The following MAP3K13 variants were observed in gnomAD, a reference collection of about 807,000 sequenced individuals.
MAP3K13 encodes the protein leucine zipper-bearing kinase.
MAP3K13 carries 52 observed loss-of-function variants against 104.0 expected under a neutral mutation model. The observed-to-expected ratio is 0.50, with a 90% CI of 0.40 to 0.63. MAP3K13 has a LOEUF of 0.63. MAP3K13 is among the 20% of genes least tolerant of loss of function. MAP3K13 has a pLI of 0.00. For synonymous variants in MAP3K13, 394 were observed against 442.2 expected, an observed-to-expected ratio of 0.89 and a Z score of 1.37; for missense variants, 914 against 1,218.5, an observed-to-expected ratio of 0.75 and a Z score of 3.72.
intron 2 of MAP3K13, among the ~76,000 whole-genome samples, chr3:185,311,536 T>A (rs564569270): frequency 5.3e-5 from 8 of 152,286 alleles, no homozygotes; most frequent in Admixed American, 1.3e-4. Flanking sequence ...TGTAATCTCA[T>A]GTGTCTACCA....
chr3:185,302,086 C>T (rs1239479463), intron 2 of MAP3K13, among the ~76,000 whole-genome samples: 1 of 151,718 alleles, frequency 6.6e-6, no homozygotes, highest in Non-Finnish European at 1.5e-5. Flanking sequence ...TCTGTAGGTC[C>T]CTCTAGGTAG....
intron 1 of MAP3K13, among the ~76,000 whole-genome samples, chr3:185,390,869 C>A (rs962160787): frequency 6.6e-6 from 1 of 152,050 alleles, no homozygotes; most frequent in African/African-American, 2.4e-5. Context: ...GATCGGCCTG[C>A]CTCGGCCTCA....
intron 12 of MAP3K13, 127 bp downstream of exon 12, chr3:185,477,523 C>G: frequency 1.5e-6 from 1 of 688,544 alleles, no homozygotes; most frequent in Non-Finnish European, 2.6e-6. Flanking sequence ...TTTGAACTCA[C>G]TGTGTTCATG....
rs757522990 is a variant in MAP3K13 at position 185,482,363 on chromosome 3, G to A, written c.2808G>A (p.Met936Ile). Residue 936 changes from methionine to isoleucine, a missense_variant, in exon 14 of 14, where the codon ATG becomes ATA. This residue lies in a region of MAP3K13 where 583 missense variants were observed against 737.4 expected (regional missense o/e 0.79). Coordinates refer to ENST00000265026, the MANE Select transcript of MAP3K13 (RefSeq NM_004721.5). The surrounding 1 kb of genome is among the most constrained non-coding windows in gnomAD (Gnocchi z 4.5). The part of the protein sequence containing the change: ...CVEERGYENP[M>I]QFEESDCDSS... ...TTGTCTTGCCTTTGCAGAACCCCAT[G>A]CAGTTTGAAGAATCGGACTGTGACT... 4 of 1,613,244 alleles carry A rather than the reference G, an allele frequency of 2.5e-6. No individual in the cohort carries two copies. In the East Asian group the frequency reaches 8.9e-5, roughly 36 times the overall value.
At chr3:185,291,643 C>G (rs2108673204) in intron 2 of MAP3K13, 2 of 1,531,786 alleles carry the variant, frequency 1.3e-6, no homozygotes, top group Non-Finnish European at 1.7e-6. Flanking sequence ...AAGACCATGG[C>G]CTATCATCAT....
chr3:185,421,469 A>T (rs1339643950), intron 1 of MAP3K13, among the ~76,000 whole-genome samples: 1 of 152,130 alleles, frequency 6.6e-6, no homozygotes, highest in East Asian at 1.9e-4. Flanking sequence ...AAGTGCTGGG[A>T]TTACAGGCAT....
intron 1 of MAP3K13, among the ~76,000 whole-genome samples, chr3:185,406,487 C>T (rs1300895928): frequency 6.6e-6 from 1 of 152,182 alleles, no homozygotes; most frequent in African/African-American, 2.4e-5. Context: ...GAATCTGAAT[C>T]TACTGGGATT....
At chr3:185,396,416 C>A (rs982342174) in intron 1 of MAP3K13, among the ~76,000 whole-genome samples, 1 of 151,888 alleles carries the variant, frequency 6.6e-6, no homozygotes, top group African/African-American at 2.4e-5. Flanking sequence ...CCTTCCAGAC[C>A]TCTTGGTGAT....
intron 2 of MAP3K13, among the ~76,000 whole-genome samples, chr3:185,329,787 G>T (rs1156645492): frequency 6.6e-6 from 1 of 152,030 alleles, no homozygotes; most frequent in African/African-American, 2.4e-5. Context: ...GTGTTGGAAA[G>T]GTTGGTATTT....
At chr3:185,327,914 AAAAG>A (rs1456665733) in intron 2 of MAP3K13, among the ~76,000 whole-genome samples, 1 of 151,272 alleles carries the variant, frequency 6.6e-6, no homozygotes, top group Non-Finnish European at 1.5e-5. Context: ...TCTGTCAGAA[AAAAG>A]AAAGAAAAGA....
chr3:185,283,898 C>CTTTTTTTTTTTTTTTTTTT (rs1201384582), intron 1 of MAP3K13, among the ~76,000 whole-genome samples: 64 of 127,350 alleles, frequency 5.0e-4, no homozygotes, highest in East Asian at 6.7e-4. Flanking sequence ...TTCTTTCTTT[C>CTTTTTTTTTTTTTTTTTTT]TTTTTTTTTT....
chr3:185,454,432 T>TATATATGAGATATATATGAG (rs1560116566), intron 7 of MAP3K13, among the ~76,000 whole-genome samples: 3 of 106,988 alleles, frequency 2.8e-5, no homozygotes, highest in Non-Finnish European at 3.6e-5. Context: ...ATATATATGA[T>TATATATGAGATATATATGAG]ATATATGAGA....
chr3:185,417,672 C>G, intron 1 of MAP3K13: 1 of 1,612,566 alleles, frequency 6.2e-7, no homozygotes, highest in Non-Finnish European at 8.5e-7. Flanking sequence ...CTGCAACCGC[C>G]GCCTTTTCAT....
At chr3:185,293,825 C>T (rs1035924478) in intron 2 of MAP3K13, among the ~76,000 whole-genome samples, 1 of 152,022 alleles carries the variant, frequency 6.6e-6, no homozygotes, top group Non-Finnish European at 1.5e-5. Context: ...TGCTACTACT[C>T]GTGACAAAGA....
chr3:185,349,692 C>T (rs917303770), intron 2 of MAP3K13, among the ~76,000 whole-genome samples: 3 of 152,172 alleles, frequency 2.0e-5, no homozygotes, highest in Non-Finnish European at 4.4e-5. Context: ...TTCTTCAGGG[C>T]GAGGACTGTG....
chr3:185,449,624 G>A (rs912808080), intron 5 of MAP3K13, among the ~76,000 whole-genome samples: 2 of 151,630 alleles, frequency 1.3e-5, no homozygotes, highest in African/African-American at 4.8e-5. Flanking sequence ...AATGTATTTG[G>A]TTTATTTCTG....
chr3:185,435,643 A>G (rs185257762), intron 2 of MAP3K13, among the ~76,000 whole-genome samples: 5 of 152,218 alleles, frequency 3.3e-5, no homozygotes, highest in Admixed American at 3.3e-4. Context: ...TACTGCTCAT[A>G]TCAGGAGAAC....
At chr3:185,429,152 G>A in intron 2 of MAP3K13, 96 bp downstream of exon 2, 1 of 1,144,848 alleles carries the variant, frequency 8.7e-7, no homozygotes, top group South Asian at 1.6e-5. Context: ...TGACCTTTGG[G>A]CAAATTAAAG....
At chr3:185,441,094 T>A (rs1472237430) in intron 3 of MAP3K13, among the ~76,000 whole-genome samples, 2 of 152,188 alleles carry the variant, frequency 1.3e-5, no homozygotes, top group Non-Finnish European at 2.9e-5. Flanking sequence ...CAGACTGAGT[T>A]TGAATCCCAG....
Sources: gnomAD v4.1 joint callset for allele counts (sites outside exome capture counted in the v4.1 genomes callset) on GRCh38, gnomAD v4.1.1 for gene constraint, gnomAD v4.1.1 regional missense constraint, Gnocchi (gnomAD v3.1) non-coding constraint, MANE v1.5 for transcripts, NCBI Gene and HGNC (gene_info 2026-07-23, HGNC 2026-07-21) for gene names.